PTPRD: variants seen among roughly 807,000 people sequenced by gnomAD.
PTPRD encodes the protein protein tyrosine phosphatase receptor type D, also known as receptor-type tyrosine-protein phosphatase delta.
Under a neutral mutation model 214.5 loss-of-function variants are expected in PTPRD, and 34 were observed. That is an observed-to-expected ratio of 0.16 (90% CI 0.12 to 0.21). PTPRD has a LOEUF of 0.21. Among genes scored for constraint, PTPRD ranks in the 10% least tolerant of loss-of-function variants. PTPRD has a pLI of 1.00. For missense variants in PTPRD, 2,545 were observed against 2,398.7 expected (o/e 1.06, Z -1.27); for synonymous variants, 1,128 against 845.7 (o/e 1.33, Z -5.79).
intron 9 of PTPRD, among the ~76,000 whole-genome samples, chr9:9,269,009 T>C (rs1351037834): frequency 6.7e-6 from 1 of 148,734 alleles, no homozygotes; most frequent in Non-Finnish European, 1.5e-5. Flanking sequence ...AATAAACAAC[T>C]GGAAACACAT....
intron 10 of PTPRD, among the ~76,000 whole-genome samples, chr9:9,084,924 A>C (rs2099764805): frequency 6.6e-6 from 1 of 152,168 alleles, no homozygotes; most frequent in South Asian, 2.1e-4. Context: ...TAAGACTATA[A>C]AATGAAGAAA....
At chr9:10,327,827 T>A (rs1458719710) in intron 3 of PTPRD, among the ~76,000 whole-genome samples, 1 of 151,686 alleles carries the variant, frequency 6.6e-6, no homozygotes, top group Non-Finnish European at 1.5e-5. Context: ...TTTGAGAAGG[T>A]CTCCTGTCAG....
intron 9 of PTPRD, among the ~76,000 whole-genome samples, chr9:9,319,694 T>G (rs1965417802): frequency 6.6e-6 from 1 of 152,182 alleles, no homozygotes; most frequent in African/African-American, 2.4e-5. Flanking sequence ...AGTTAAGTAC[T>G]CAAAAATTCC....
chr9:8,809,656 T>A (rs1429031706), intron 11 of PTPRD, among the ~76,000 whole-genome samples: 2 of 152,172 alleles, frequency 1.3e-5, no homozygotes, highest in Non-Finnish European at 2.9e-5. Context: ...AGGTGTTAAC[T>A]ACATCTTATC....
At chr9:9,469,584 G>A (rs1177907873) in intron 8 of PTPRD, among the ~76,000 whole-genome samples, 2 of 152,166 alleles carry the variant, frequency 1.3e-5, no homozygotes, top group Admixed American at 6.5e-5. Context: ...ACTGATGACA[G>A]ATGAAAAGGC....
At chr9:10,126,074 T>G (rs954377224) in intron 3 of PTPRD, among the ~76,000 whole-genome samples, 5 of 152,112 alleles carry the variant, frequency 3.3e-5, no homozygotes, top group African/African-American at 1.2e-4. Flanking sequence ...TATACGGAAG[T>G]TGTATTTTCT....
chr9:9,450,754 G>A (rs1223567443), intron 8 of PTPRD, among the ~76,000 whole-genome samples: 1 of 151,036 alleles, frequency 6.6e-6, no homozygotes, highest in Non-Finnish European at 1.5e-5. Context: ...ATTATGGGGG[G>A]GGGTGTGTGT....
intron 11 of PTPRD, among the ~76,000 whole-genome samples, chr9:8,815,084 G>A (rs10977307): frequency 0.27 from 41,630 of 151,596 alleles, 7,120 homozygotes; most frequent in Non-Finnish European, 0.38. Flanking sequence ...CACATTTAAA[G>A]GTGACATCAC....
chr9:10,417,295 G>A (rs1005238048), intron 2 of PTPRD, among the ~76,000 whole-genome samples: 4 of 151,874 alleles, frequency 2.6e-5, no homozygotes, highest in African/African-American at 9.7e-5. Context: ...TTCTTCCAAT[G>A]AAAGGGTGAA....
chr9:8,573,202 G>A (rs1424886310), intron 14 of PTPRD, among the ~76,000 whole-genome samples: 1 of 151,902 alleles, frequency 6.6e-6, no homozygotes, highest in Non-Finnish European at 1.5e-5. Flanking sequence ...ATTTTAACAT[G>A]TGCTGATAAT....
intron 9 of PTPRD, among the ~76,000 whole-genome samples, chr9:9,254,192 T>A (rs1427965160): frequency 6.6e-6 from 1 of 152,086 alleles, no homozygotes; most frequent in Non-Finnish European, 1.5e-5. Context: ...TGAGCACATC[T>A]TATGGGGGCG....
chr9:8,531,451 C>A (rs529153054), intron 14 of PTPRD, among the ~76,000 whole-genome samples: 3 of 152,198 alleles, frequency 2.0e-5, no homozygotes, highest in South Asian at 2.1e-4. Context: ...CACTTGGCAG[C>A]TATTGACACA....
chr9:9,350,575 T>C (rs1180527333), intron 9 of PTPRD, among the ~76,000 whole-genome samples: 1 of 152,052 alleles, frequency 6.6e-6, no homozygotes, highest in African/African-American at 2.4e-5. Context: ...CACTGTAAAA[T>C]TTTAATTTTT....
chr9:8,857,717 C>G (rs1325416568), intron 11 of PTPRD: 2 of 157,516 alleles, frequency 1.3e-5, no homozygotes, highest in South Asian at 3.5e-4. Context: ...CCTTCGCGCC[C>G]CGCCACGGCC....
chr9:8,718,084 G>A (rs1297661886), intron 12 of PTPRD, among the ~76,000 whole-genome samples: 1 of 152,178 alleles, frequency 6.6e-6, no homozygotes, highest in Non-Finnish European at 1.5e-5. Flanking sequence ...GACCTGAAAG[G>A]CAAAGCTGTG....
At chr9:10,202,492 A>T (rs1401005334) in intron 3 of PTPRD, among the ~76,000 whole-genome samples, 1 of 150,524 alleles carries the variant, frequency 6.6e-6, no homozygotes, top group Non-Finnish European at 1.5e-5. Flanking sequence ...AAAAAAAAAA[A>T]CTTTGCATCT....
chr9:10,157,123 C>T (rs1200715711), intron 3 of PTPRD, among the ~76,000 whole-genome samples: 1 of 152,152 alleles, frequency 6.6e-6, no homozygotes, highest in Admixed American at 6.6e-5. Flanking sequence ...GCATTTAGCC[C>T]ATCTACATTC....
chr9:8,848,313 C>CTCTTTTTTTTTTTTTT (rs1338928285), intron 11 of PTPRD, among the ~76,000 whole-genome samples: 1 of 132,668 alleles, frequency 7.5e-6, no homozygotes, highest in African/African-American at 2.8e-5. Flanking sequence ...AAGATTTTTC[C>CTCTTTTTTTTTTTTTT]TTTTTTTTTT....
intron 10 of PTPRD, among the ~76,000 whole-genome samples, chr9:9,076,156 G>A (rs1247836337): frequency 2.6e-5 from 4 of 152,152 alleles, no homozygotes; most frequent in Non-Finnish European, 1.5e-5. Flanking sequence ...TTTCTCTGAT[G>A]TCCAGTGATG....
Sources: gnomAD v4.1 joint callset for allele counts (sites outside exome capture counted in the v4.1 genomes callset) on GRCh38, gnomAD v4.1.1 for gene constraint, MANE v1.5 for transcripts, NCBI Gene and HGNC (gene_info 2026-07-23, HGNC 2026-07-21) for gene names.